ADGRG5: variants seen among roughly 807,000 people sequenced by gnomAD.
ADGRG5 encodes the protein G protein-coupled receptor 114.
In ADGRG5, 37 loss-of-function variants were observed where a neutral mutation model predicts 53.2. The observed-to-expected ratio is 0.70, with a 90% CI of 0.53 to 0.91. ADGRG5 has a LOEUF of 0.91. ADGRG5 is among the 40% of genes least tolerant of loss of function. The pLI, the probability that ADGRG5 is intolerant of heterozygous loss-of-function variation, is 0.00. For missense variants in ADGRG5, 614 were observed against 675.8 expected, an observed-to-expected ratio of 0.91 and a Z score of 1.01; for synonymous variants, 277 against 290.4, an observed-to-expected ratio of 0.95 and a Z score of 0.47.
chr16:57,538,201 A>G (rs2032435550), upstream of ADGRG5, among the ~76,000 whole-genome samples: 1 of 152,218 alleles, frequency 6.6e-6, no homozygotes, highest in Non-Finnish European at 1.5e-5. Flanking sequence ...ACCCGATCGT[A>G]GAACCAAAGT....
At chr16:57,563,827 C>T in intron 4 of ADGRG5, 21 bp from the exon 5 acceptor site, 1 of 1,612,804 alleles carries the variant, frequency 6.2e-7, no homozygotes, top group Non-Finnish European at 8.5e-7. Context: ...TGCCAAACAG[C>T]CTGTTTGCGA....
the ADGRG5 span, among the ~76,000 whole-genome samples, chr16:57,533,479 T>C: frequency 0.48 from 67,568 of 141,734 alleles, 15,566 homozygotes; most frequent in East Asian, 0.67. Context: ...AATGCACACA[T>C]TCACACACAC....
chr16:57,565,047 C>A lies in ADGRG5; in HGVS notation c.443C>A (p.Ser148Ter). 6 of 1,611,932 alleles carry A rather than the reference C, an allele frequency of 3.7e-6. No homozygotes were observed. Among genetic ancestry groups the A allele is most frequent in the Non-Finnish European group, 5.1e-6 (6 of 1,178,156 alleles). The change falls in exon 6 of 12, where the codon TCA becomes TAA. Residue 148 changes from serine to a stop codon, truncating the protein, a stop_gained. Transcript: ENST00000349457. LOFTEE classifies it high-confidence loss of function. Reference sequence around the variant, plus strand: ...CTGCCCTTCCAGGATGAAAACAACTCATCTCTGCTGAATAACTACGTCCTG... The same window carrying A: ...CTGCCCTTCCAGGATGAAAACAACTAATCTCTGCTGAATAACTACGTCCTG... Reference protein sequence around the residue: ...NTHFFKDENNSSLLNNYVLGA... With the variant: ...NTHFFKDENN
upstream of ADGRG5, among the ~76,000 whole-genome samples, chr16:57,537,724 A>G (rs1357008580): frequency 3.3e-5 from 5 of 151,664 alleles, no homozygotes; most frequent in Non-Finnish European, 7.4e-5. Flanking sequence ...CGGCTGTTCC[A>G]TTTCTCCTGC....
Position 57,562,165 on chromosome 16 carries a change from G to C in ADGRG5, c.64+8G>C. 2 of 1,596,544 alleles carry C rather than the reference G, an allele frequency of 1.3e-6. No homozygotes were observed. Among genetic ancestry groups the C allele is most frequent in the Non-Finnish European group, 1.7e-6 (2 of 1,168,914 alleles). On this transcript the variant is annotated splice_region_variant and intron_variant, in intron 2 of 11. Coordinates refer to ENST00000349457, the MANE Select transcript of ADGRG5 (RefSeq NM_001304376.3). ...TGCAGAATGCAACAACAGGTAAGGGGGCTCTGCTGAACTGGGGGCAGCCCT... is the reference window on the plus strand; with the variant it reads ...TGCAGAATGCAACAACAGGTAAGGGCGCTCTGCTGAACTGGGGGCAGCCCT...
rs774219200 is a variant in ADGRG5, at chr16:57,575,527, AC to A, written c.1577del (p.Thr526LysfsTer21). ...AQIEAFSSSQ[T>X]TQ ...GATAGAGGCCTTCAGCTCCTCCCAAACAACACAGTAGTCCGGGCCTCCTGGC... is the reference window on the plus strand; with the variant it reads ...GATAGAGGCCTTCAGCTCCTCCCAAAAACACAGTAGTCCGGGCCTCCTGGC... On this transcript the variant is annotated frameshift_variant, in exon 12 of 12. Coordinates refer to ENST00000349457, the MANE Select transcript of ADGRG5 (RefSeq NM_001304376.3). LOFTEE classifies it high-confidence loss of function. The A allele has an allele frequency of 3.1e-6, 5 of 1,613,712 alleles. No homozygotes were observed. In the South Asian group the frequency reaches 5.5e-5, roughly 18 times the overall value.
At chr16:57,548,029 T>G (rs2032659886) in intron 1 of ADGRG5, among the ~76,000 whole-genome samples, 1 of 152,182 alleles carries the variant, frequency 6.6e-6, no homozygotes, top group African/African-American at 2.4e-5. Flanking sequence ...ATTACAGGTA[T>G]GAGCCACCAC....
chr16:57,568,340 T>C (rs1183338094), intron 9 of ADGRG5, among the ~76,000 whole-genome samples: 1 of 148,570 alleles, frequency 6.7e-6, no homozygotes, highest in Non-Finnish European at 1.5e-5. Flanking sequence ...TCCACCACCA[T>C]TATCACCTCC....
intron 2 of ADGRG5, 42 bp downstream of exon 2, chr16:57,562,199 C>T (rs755717553): frequency 2.3e-5 from 35 of 1,552,266 alleles, no homozygotes; most frequent in Middle Eastern, 1.7e-4. Context: ...CTAGCCCAGT[C>T]GTGGGACTGT....
At chr16:57,539,037 A>G (rs1230590434), upstream of ADGRG5, among the ~76,000 whole-genome samples, 1 of 152,240 alleles carries the variant, frequency 6.6e-6, no homozygotes, top group African/African-American at 2.4e-5. Flanking sequence ...TGTTGATTGT[A>G]GCATTATTCA....
the ADGRG5 span, chr16:57,536,459 C>A: frequency 6.6e-6 from 1 of 152,356 alleles, no homozygotes; most frequent in Non-Finnish European, 1.5e-5. Flanking sequence ...GTTCCCGGGC[C>A]GCCTTGGCCT....
rs1167479584 is a variant in ADGRG5, at chr16:57,563,944, A to G, written c.394A>G (p.Ile132Val). 1 of 1,613,932 alleles carries G rather than the reference A, an allele frequency of 6.2e-7. No individual in the cohort carries two copies. Among genetic ancestry groups the G allele is most frequent in the East Asian group, 2.2e-5 (1 of 44,878 alleles). ...CKTRPRELRL[I>V]CIYFSNTHFF... ...GACCCGCCCCAGGGAGCTGCGGCTCATCTGTATCTACTTCTCCAACACCCA... is the reference window on the plus strand; with the variant it reads ...GACCCGCCCCAGGGAGCTGCGGCTCGTCTGTATCTACTTCTCCAACACCCA... The change falls in exon 5 of 12, where the codon ATC becomes GTC. Residue 132 changes from isoleucine (I) to valine (V), a missense_variant. By Grantham distance (29) the Ile-to-Val change is conservative. Coordinates refer to ENST00000349457, the MANE Select transcript of ADGRG5 (RefSeq NM_001304376.3).
the ADGRG5 span, among the ~76,000 whole-genome samples, chr16:57,533,504 G>A: frequency 2.1e-5 from 3 of 144,620 alleles, no homozygotes; most frequent in South Asian, 2.3e-4. Flanking sequence ...CCAGGGACCC[G>A]CACTCACACA....
intron 1 of ADGRG5, among the ~76,000 whole-genome samples, chr16:57,561,017 G>A (rs928041098): frequency 8.5e-5 from 13 of 152,248 alleles, no homozygotes; most frequent in Non-Finnish European, 1.2e-4. Context: ...GGTCTCAAGC[G>A]ATCCTCCTGC....
intron 1 of ADGRG5, among the ~76,000 whole-genome samples, chr16:57,557,497 T>C (rs2032910139): frequency 6.6e-6 from 1 of 152,190 alleles, no homozygotes; most frequent in Non-Finnish European, 1.5e-5. Context: ...GTTTGTTGTC[T>C]TTTATTAATT....
At position 57,564,996 on chromosome 16, in the gene ADGRG5, T is replaced by C; in HGVS notation, c.430-38T>C. ...CAGACCTTACCCAGGGCCTCCCCAT[T>C]TCCCCTCCACTCAGCCCTTCTCCTG... On this transcript the variant is annotated intron_variant, in intron 5 of 11. Coordinates refer to ENST00000349457, the MANE Select transcript of ADGRG5 (RefSeq NM_001304376.3). 2.3e-6 allele frequency: 3 copies of C among 1,278,168 alleles called. No homozygotes were observed. The South Asian group carries it at 3.6e-5, about 16-fold the overall frequency. The allele number at this position is 1,278,168 out of a possible 1,614,324, so 79.2% of individuals were successfully genotyped here.
intron 1 of ADGRG5, among the ~76,000 whole-genome samples, chr16:57,547,959 G>C (rs2032658366): frequency 6.6e-6 from 1 of 152,030 alleles, no homozygotes; most frequent in Non-Finnish European, 1.5e-5. Flanking sequence ...TGTTGCCCAG[G>C]CTGGTCTTGA....
the ADGRG5 span, among the ~76,000 whole-genome samples, chr16:57,530,809 T>C: frequency 6.6e-6 from 1 of 151,878 alleles, no homozygotes; most frequent in Admixed American, 6.6e-5. Flanking sequence ...TTTAAGGTCC[T>C]TCCAAAGTGG....
rs1045920401 is a variant in ADGRG5, at chr16:57,577,093, C to T, written c.*1555C>T. The T allele has an allele frequency of 1.3e-5, 2 of 152,270 alleles. No homozygotes were observed. Among genetic ancestry groups the T allele is most frequent in the East Asian group, 1.9e-4 (1 of 5,176 alleles). The allele number at this position is 152,270 out of a possible 1,614,324, so 9.4% of individuals were successfully genotyped here. A position where few individuals can be genotyped will look rare whatever the true frequency, so the allele number is the denominator to read the frequency against. On this transcript the variant is annotated 3_prime_UTR_variant, in exon 12 of 12. Coordinates refer to ENST00000349457, the MANE Select transcript of ADGRG5 (RefSeq NM_001304376.3). ...CTCAGCCTCTGTGTGCCTCAGTTTT[C>T]CTATTTGTAAAATAGAGGCCATAGT... is the stretch of plus-strand genomic sequence containing the variant.
Sources: gnomAD v4.1 joint callset for allele counts (sites outside exome capture counted in the v4.1 genomes callset) on GRCh38, gnomAD v4.1.1 for gene constraint, MANE v1.5 for transcripts, NCBI Gene and HGNC (gene_info 2026-07-23, HGNC 2026-07-21) for gene names.